Variants in ATP8A2 observed in about 807,000 individuals in gnomAD.
ATP8A2 encodes phospholipid-transporting ATPase IB.
ATP8A2 carries 100 observed loss-of-function variants against 165.6 expected under a neutral mutation model. That is an observed-to-expected ratio of 0.60 (90% CI 0.51 to 0.71). The LOEUF (loss-of-function observed/expected upper bound fraction) is 0.71. Ranked by LOEUF, ATP8A2 falls within the 30% of genes least tolerant of loss-of-function variation. The pLI, the probability that ATP8A2 is intolerant of heterozygous loss-of-function variation, is 0.00. For missense variants in ATP8A2, 1,227 were observed against 1,479.5 expected, an observed-to-expected ratio of 0.83 and a Z score of 2.80; for synonymous variants, 543 against 548.8, an observed-to-expected ratio of 0.99 and a Z score of 0.15.
intron 2 of ATP8A2, among the ~76,000 whole-genome samples, chr13:25,480,710 G>A (rs1402319671): frequency 6.6e-6 from 1 of 151,126 alleles, no homozygotes; most frequent in Admixed American, 6.6e-5. Context: ...CATCCCAGAC[G>A]ATGGGTGGCC....
chr13:25,520,704 C>A (rs2037641722), intron 2 of ATP8A2, among the ~76,000 whole-genome samples: 1 of 151,290 alleles, frequency 6.6e-6, no homozygotes, highest in Non-Finnish European at 1.5e-5. Flanking sequence ...AGGTTCCACA[C>A]CATTCTCCTG....
chr13:25,725,578 G>A (rs1463180272), intron 25 of ATP8A2, among the ~76,000 whole-genome samples: 1 of 152,188 alleles, frequency 6.6e-6, no homozygotes, highest in East Asian at 1.9e-4. Flanking sequence ...CATGCTGTGG[G>A]TATAAAATGG....
intron 33 of ATP8A2, among the ~76,000 whole-genome samples, chr13:25,867,598 A>G (rs547741563): frequency 1.3e-5 from 2 of 152,230 alleles, no homozygotes; most frequent in South Asian, 4.2e-4. Flanking sequence ...AAGGGTGCCT[A>G]GTGTGTATTC....
In ATP8A2 at chr13:25,847,918, A is replaced by G. The variant is rs562684086; in HGVS notation, c.2956+8294A>G. Among the ~76,000 whole-genome samples, 20 of 152,270 alleles carry G rather than the reference A, an allele frequency of 1.3e-4. 1 individual carries two copies. In the South Asian group the frequency reaches 3.3e-3, roughly 25 times the overall value. On this transcript the variant is annotated intron_variant, in intron 30 of 36. Coordinates refer to ENST00000381655, the MANE Select transcript of ATP8A2 (RefSeq NM_016529.6). ...TGAGCAGGTGTTCCCTTTGCCCAGC[A>G]GCACCCCAGGGCCAGGTACCCAACA... is the stretch of plus-strand genomic sequence containing the variant.
At chr13:25,546,145 A>G (rs1227737282) in intron 10 of ATP8A2, among the ~76,000 whole-genome samples, 2 of 152,210 alleles carry the variant, frequency 1.3e-5, no homozygotes, top group Admixed American at 6.5e-5. Context: ...TAGAAAACCA[A>G]TATTACATGA....
intron 33 of ATP8A2, among the ~76,000 whole-genome samples, chr13:25,867,579 C>A (rs1239226686): frequency 6.6e-6 from 1 of 152,144 alleles, no homozygotes; most frequent in Admixed American, 6.5e-5. Context: ...TCCTCCTTCA[C>A]CCTTTCCTAA....
At chr13:25,896,305 A>G (rs1244435260) in intron 33 of ATP8A2, among the ~76,000 whole-genome samples, 1 of 152,188 alleles carries the variant, frequency 6.6e-6, no homozygotes, top group Non-Finnish European at 1.5e-5. Context: ...GTAGTCATTC[A>G]GGAGCAGGTT....
In ATP8A2 at chr13:25,847,276, T is replaced by G. The variant is rs60417609; in HGVS notation, c.2956+7652T>G. Among the ~76,000 whole-genome samples the G allele has an allele frequency of 8.1e-3, 1,241 of 152,334 alleles. 14 individuals carry two copies. The highest frequency in any genetic ancestry group is 0.026 in the African/African-American group (1,066 of 41,570). Reference sequence around the variant, plus strand: ...TAACTGGTTACTAACCCGATCATAGTACATTGAAAATATAAACAGGTTTCC... The same window carrying G: ...TAACTGGTTACTAACCCGATCATAGGACATTGAAAATATAAACAGGTTTCC... On this transcript the variant is annotated intron_variant, in intron 30 of 36. Coordinates refer to ENST00000381655, the MANE Select transcript of ATP8A2 (RefSeq NM_016529.6).
At chr13:25,597,687 C>A (rs1407321617) in intron 24 of ATP8A2, among the ~76,000 whole-genome samples, 3 of 152,196 alleles carry the variant, frequency 2.0e-5, no homozygotes, top group Non-Finnish European at 4.4e-5. Flanking sequence ...ACCTTGATTA[C>A]AGCCTCATGA....
At chr13:25,508,238 G>T (rs1048251283) in intron 2 of ATP8A2, among the ~76,000 whole-genome samples, 1 of 152,274 alleles carries the variant, frequency 6.6e-6, no homozygotes, top group East Asian at 1.9e-4. Context: ...AAGACATTAG[G>T]TAGGAACTTA....
chr13:25,382,940 G>A (rs7329106), intron 1 of ATP8A2, among the ~76,000 whole-genome samples: 1,538 of 149,780 alleles, frequency 0.01, 26 homozygotes, highest in African/African-American at 0.035. Flanking sequence ...TATTTTTAGT[G>A]GAGACGGGGT....
chr13:25,654,531 G>A (rs1345887810), intron 24 of ATP8A2, among the ~76,000 whole-genome samples: 2 of 152,122 alleles, frequency 1.3e-5, no homozygotes, highest in Non-Finnish European at 2.9e-5. Context: ...GAAGACAGTT[G>A]TTATGATGTT....
intron 33 of ATP8A2, among the ~76,000 whole-genome samples, chr13:25,939,836 C>T (rs1411453645): frequency 4.6e-5 from 7 of 152,208 alleles, no homozygotes; most frequent in Non-Finnish European, 7.3e-5. Context: ...TTGCAGTTGA[C>T]GTCCACTCCT....
intron 25 of ATP8A2, among the ~76,000 whole-genome samples, chr13:25,748,702 A>G (rs111671741): frequency 0.014 from 2,091 of 152,296 alleles, 51 homozygotes; most frequent in African/African-American, 0.047. Flanking sequence ...CTGTTCATCA[A>G]CTAAAATGCT....
intron 1 of ATP8A2, among the ~76,000 whole-genome samples, chr13:25,419,063 G>T (rs984629132): frequency 6.6e-6 from 1 of 152,130 alleles, no homozygotes; most frequent in Non-Finnish European, 1.5e-5. Context: ...GTGTGCATAT[G>T]TGTGTGTGTC....
intron 2 of ATP8A2, among the ~76,000 whole-genome samples, chr13:25,484,701 G>C (rs1319101450): frequency 6.6e-6 from 1 of 151,952 alleles, no homozygotes; most frequent in Non-Finnish European, 1.5e-5. Context: ...ATTTTTAGTA[G>C]AGATGGAATT....
chr13:25,963,399 AAAAAAAAAAAAGAAAAGAAAAG>A (rs1299429434), intron 34 of ATP8A2, among the ~76,000 whole-genome samples: 2 of 140,406 alleles, frequency 1.4e-5, no homozygotes, highest in African/African-American at 2.6e-5. Context: ...GTCTCAAAAA[AAAAAAAAAAAAGAAAAGAAAAG>A]AAAAAGAAAA....
chr13:25,659,094 C>G (rs1167645922), intron 24 of ATP8A2, among the ~76,000 whole-genome samples: 1 of 152,156 alleles, frequency 6.6e-6, no homozygotes, highest in Non-Finnish European at 1.5e-5. Context: ...CCTAAGAAAT[C>G]GTCTCCCTCA....
intron 1 of ATP8A2, among the ~76,000 whole-genome samples, chr13:25,430,113 C>T (rs1339827791): frequency 1.3e-5 from 2 of 152,108 alleles, no homozygotes; most frequent in Non-Finnish European, 2.9e-5. Flanking sequence ...TTTTAGAGAG[C>T]TGGAGGAGCA....
Sources: allele counts gnomAD v4.1 joint callset (sites outside exome capture counted in the v4.1 genomes callset), GRCh38; gene constraint gnomAD v4.1.1; transcripts MANE v1.5; gene names NCBI Gene and HGNC (gene_info 2026-07-23, HGNC 2026-07-21).